The following TMEM117 variants were observed in gnomAD, a reference collection of about 807,000 sequenced individuals.
TMEM117 encodes transmembrane protein 117.
Under a neutral mutation model 52.4 loss-of-function variants are expected in TMEM117, and 27 were observed. That is an observed-to-expected ratio of 0.51 (90% confidence interval 0.38 to 0.71). The LOEUF (loss-of-function observed/expected upper bound fraction) is 0.71, where lower values mean the gene tolerates loss of function less well. Among genes scored for constraint, TMEM117 ranks in the 30% least tolerant of loss-of-function variants. TMEM117 has a pLI of 0.00. For synonymous variants in TMEM117, 215 were observed against 206.3 expected (o/e 1.04, Z -0.36); for missense variants, 556 against 630.5 (o/e 0.88, Z 1.26).
At position 44,388,697 on chromosome 12, in the gene TMEM117, C is replaced by T. The variant is rs763278415; in HGVS notation, c.*25C>T. ...GACTCGGAGATAGACTTGGAGATAA[C>T]ACAAAAAGCAACCTTGAGTGTAACT... On this transcript the variant is annotated 3_prime_UTR_variant, in exon 8 of 8. Coordinates refer to ENST00000266534, the MANE Select transcript of TMEM117 (RefSeq NM_032256.3). 6.3e-7 allele frequency: 1 copy of T among 1,597,778 alleles called. No homozygotes were observed. Among genetic ancestry groups the T allele is most frequent in the South Asian group, 1.1e-5 (1 of 89,000 alleles).
chr12:44,235,415 AT>A (rs912131265), intron 5 of TMEM117, among the ~76,000 whole-genome samples: 2 of 151,444 alleles, frequency 1.3e-5, no homozygotes, highest in African/African-American at 4.8e-5. Context: ...TGTGCATTTA[AT>A]GTAAACACTG....
intron 4 of TMEM117, among the ~76,000 whole-genome samples, chr12:44,149,136 A>G (rs898136988): frequency 1.3e-5 from 2 of 152,194 alleles, no homozygotes; most frequent in Non-Finnish European, 2.9e-5. Flanking sequence ...CAAAGAGTAT[A>G]AAGAAAAGAT....
intron 4 of TMEM117, among the ~76,000 whole-genome samples, chr12:44,192,910 G>T (rs1003125780): frequency 1.3e-5 from 2 of 152,136 alleles, no homozygotes; most frequent in Non-Finnish European, 2.9e-5. Flanking sequence ...TAAATATATT[G>T]TAGGTCCTAA....
At chr12:43,935,453 A>G (rs73100958) in intron 2 of TMEM117, among the ~76,000 whole-genome samples, 1 of 152,338 alleles carries the variant, frequency 6.6e-6, no homozygotes, top group Non-Finnish European at 1.5e-5. Flanking sequence ...AATATTTAAA[A>G]TGTTAAATAT....
At chr12:43,823,172 A>C in the TMEM117 span, among the ~76,000 whole-genome samples, 1 of 152,208 alleles carries the variant, frequency 6.6e-6, no homozygotes, top group East Asian at 1.9e-4. Context: ...TTAAGAAGGT[A>C]ATAGGAGATG....
chr12:44,390,566 GAC>G (rs1952156429), downstream of TMEM117, among the ~76,000 whole-genome samples: 1 of 151,590 alleles, frequency 6.6e-6, no homozygotes, highest in South Asian at 2.1e-4. Flanking sequence ...GCAGAAGTAA[GAC>G]AGAAAAAAAA....
chr12:44,237,223 G>T (rs541476171), intron 5 of TMEM117, among the ~76,000 whole-genome samples: 2 of 151,930 alleles, frequency 1.3e-5, no homozygotes, highest in South Asian at 2.1e-4. Flanking sequence ...AAACAGTCAC[G>T]TTTCATCTGC....
At chr12:44,365,408 T>C (rs1042743215) in intron 6 of TMEM117, among the ~76,000 whole-genome samples, 7 of 152,012 alleles carry the variant, frequency 4.6e-5, no homozygotes, top group South Asian at 4.1e-4. Flanking sequence ...ATAGTTGGGC[T>C]TAAAGTGGGT....
At chr12:44,131,692 A>G (rs1036172427) in intron 3 of TMEM117, among the ~76,000 whole-genome samples, 34 of 152,214 alleles carry the variant, frequency 2.2e-4, no homozygotes, top group African/African-American at 7.2e-4. Flanking sequence ...TGACCCTGTT[A>G]TCATTAGTAA....
chr12:44,122,025 A>C (rs1403453392), intron 3 of TMEM117, among the ~76,000 whole-genome samples: 2 of 150,890 alleles, frequency 1.3e-5, no homozygotes, highest in African/African-American at 4.9e-5. Flanking sequence ...GCAGCAAAGG[A>C]CATGATTTCA....
At chr12:44,341,996 G>C (rs1335360664) in intron 6 of TMEM117, among the ~76,000 whole-genome samples, 1 of 152,036 alleles carries the variant, frequency 6.6e-6, no homozygotes, top group Admixed American at 6.6e-5. Context: ...TCAAACCCTG[G>C]AATTCTTAGA....
intron 6 of TMEM117, among the ~76,000 whole-genome samples, chr12:44,320,641 G>A (rs926918726): frequency 2.0e-5 from 3 of 152,104 alleles, no homozygotes; most frequent in Non-Finnish European, 4.4e-5. Flanking sequence ...CAATACAAGG[G>A]CATCTCCCCA....
rs116193095 is a variant in TMEM117, at chr12:43,923,756, A to C, written c.278-20454A>C. On this transcript the variant is annotated intron_variant, in intron 2 of 7. Transcript: ENST00000266534. ...ATTATCAATTTCTTTTTACAGAGTCATGTAAAACCATTGAGTACAGACGAT... is the reference window on the plus strand; with the variant it reads ...ATTATCAATTTCTTTTTACAGAGTCCTGTAAAACCATTGAGTACAGACGAT... Among the ~76,000 whole-genome samples the C allele has an allele frequency of 7.0e-3, 1,062 of 152,298 alleles. 9 individuals are homozygous for C. Among genetic ancestry groups the C allele is most frequent in the African/African-American group, 0.023 (958 of 41,574 alleles).
At chr12:43,933,263 G>A (rs545784569) in intron 2 of TMEM117, among the ~76,000 whole-genome samples, 3 of 150,754 alleles carry the variant, frequency 2.0e-5, no homozygotes, top group African/African-American at 2.4e-5. Flanking sequence ...GCAGTGGCAC[G>A]ATCTCGGCTC....
At chr12:44,322,443 G>A (rs1005190201) in intron 6 of TMEM117, among the ~76,000 whole-genome samples, 1 of 151,982 alleles carries the variant, frequency 6.6e-6, no homozygotes, top group Non-Finnish European at 1.5e-5. Context: ...GCTACTAAAA[G>A]GTTTCCTGAT....
chr12:44,167,993 C>T (rs1948992057), intron 4 of TMEM117, among the ~76,000 whole-genome samples: 1 of 152,068 alleles, frequency 6.6e-6, no homozygotes, highest in Admixed American at 6.5e-5. Flanking sequence ...CGGTGGCTCA[C>T]GCCTGTAATC....
chr12:44,206,693 T>C (rs1949571890), intron 4 of TMEM117, among the ~76,000 whole-genome samples: 1 of 152,204 alleles, frequency 6.6e-6, no homozygotes, highest in Non-Finnish European at 1.5e-5. Flanking sequence ...ACTATTATCC[T>C]AAGCAAATTA....
At chr12:43,870,764 C>T (rs1461185485) in intron 2 of TMEM117, among the ~76,000 whole-genome samples, 1 of 152,076 alleles carries the variant, frequency 6.6e-6, no homozygotes, top group African/African-American at 2.4e-5. Context: ...TTTTTCTCCA[C>T]AACCCCACCA....
intron 3 of TMEM117, among the ~76,000 whole-genome samples, chr12:44,102,710 T>C (rs923599970): frequency 6.6e-6 from 1 of 151,984 alleles, no homozygotes; most frequent in Non-Finnish European, 1.5e-5. Flanking sequence ...TATTTTTTGG[T>C]TGGCGTAAAT....
Sources: allele counts gnomAD v4.1 joint callset (sites outside exome capture counted in the v4.1 genomes callset), GRCh38; gene constraint gnomAD v4.1.1; transcripts MANE v1.5; gene names NCBI Gene and HGNC (gene_info 2026-07-23, HGNC 2026-07-21).